Variants in PYGB observed in about 807,000 individuals in gnomAD.
The protein encoded by PYGB is glycogen phosphorylase, brain form.
Under a neutral mutation model 94.3 loss-of-function variants are expected in PYGB, and 82 were observed. The ratio of observed to expected loss-of-function variants is 0.87; its 90% confidence interval spans 0.73 to 1.04. PYGB has a LOEUF of 1.04. Ranked by LOEUF, PYGB falls within the 50% of genes least tolerant of loss-of-function variation. The pLI, the probability that PYGB is intolerant of heterozygous loss-of-function variation, is 0.00. For missense variants in PYGB, 1,132 were observed against 1,158.2 expected, an observed-to-expected ratio of 0.98 and a Z score of 0.33; for synonymous variants, 488 against 479.1, an observed-to-expected ratio of 1.02 and a Z score of -0.24.
chr20:25,261,535 C>T (rs1370760877), intron 2 of PYGB, among the ~76,000 whole-genome samples: 1 of 152,184 alleles, frequency 6.6e-6, no homozygotes, highest in African/African-American at 2.4e-5. Context: ...GGGGAGAAAC[C>T]AGAGCAGAAA....
At chr20:25,260,808 C>T (rs1185302762) in intron 2 of PYGB, among the ~76,000 whole-genome samples, 1 of 152,220 alleles carries the variant, frequency 6.6e-6, no homozygotes, top group East Asian at 1.9e-4. Context: ...ACGGTCTTAG[C>T]AAACGGCACA....
At chr20:25,282,382 G>T (rs945306816) in intron 12 of PYGB, among the ~76,000 whole-genome samples, 11 of 152,278 alleles carry the variant, frequency 7.2e-5, no homozygotes, top group Non-Finnish European at 1.6e-4. Context: ...TTTAGGGAGG[G>T]CTGGGGTGTG....
chr20:25,276,122 C>T (rs1265892464), intron 5 of PYGB, among the ~76,000 whole-genome samples: 6 of 151,904 alleles, frequency 3.9e-5, no homozygotes, highest in Non-Finnish European at 2.9e-5. Flanking sequence ...GTGGAGGGAG[C>T]GCAGCTGGGC....
chr20:25,274,784 C>A, intron 5 of PYGB, 61 bp downstream of exon 5: 1 of 1,566,504 alleles, frequency 6.4e-7, no homozygotes, highest in Non-Finnish European at 8.6e-7. Flanking sequence ...TGCTGCGGCT[C>A]ATTTGTAGAC....
chr20:25,296,573 TGCA>T lies in PYGB; in HGVS notation c.*52_*54del, dbSNP rs2088550212. ...CGGGCATTTGTTTTCTTGCTGACTT[TGCA>T]CCTCCTTTTTTCCCCAAACACTTTG... is the stretch of plus-strand genomic sequence containing the variant. On this transcript the variant is annotated 3_prime_UTR_variant, in exon 20 of 20. Transcript: ENST00000216962. 6.4e-7 allele frequency: 1 copy of T among 1,567,998 alleles called. No homozygotes were observed. The highest frequency in any genetic ancestry group is 2.3e-5 in the East Asian group (1 of 44,404).
intron 14 of PYGB, 39 bp downstream of exon 14, chr20:25,284,290 CCCAAGGCTTG>C (rs759810180): frequency 6.3e-7 from 1 of 1,594,936 alleles, no homozygotes; most frequent in Non-Finnish European, 8.5e-7. Flanking sequence ...CGCTGTGGGG[CCCAAGGCTTG>C]CCCTTGCCCG....
At chr20:25,248,647 C>G (rs2092878290) in intron 1 of PYGB, among the ~76,000 whole-genome samples, 1 of 151,588 alleles carries the variant, frequency 6.6e-6, no homozygotes, top group Non-Finnish European at 1.5e-5. Context: ...CACTGGGAGC[C>G]CGCGCCTGGC....
chr20:25,283,077 A>G, intron 12 of PYGB, 99 bp from the exon 13 acceptor site: 2 of 1,003,338 alleles, frequency 2.0e-6, no homozygotes, highest in South Asian at 2.9e-5. Context: ...CCCAGGGGAA[A>G]GCAGGGGCGT....
At chr20:25,263,818 C>A (rs138692428) in intron 2 of PYGB, among the ~76,000 whole-genome samples, 1 of 152,178 alleles carries the variant, frequency 6.6e-6, no homozygotes, top group Non-Finnish European at 1.5e-5. Flanking sequence ...AAGTCCAGGA[C>A]CAGAGGGATT....
At chr20:25,280,529 A>T in intron 10 of PYGB, 117 bp downstream of exon 10, 1 of 1,385,366 alleles carries the variant, frequency 7.2e-7, no homozygotes, top group Non-Finnish European at 9.9e-7. Flanking sequence ...TCTGTTCAGC[A>T]GAGGATGCTT....
intron 3 of PYGB, among the ~76,000 whole-genome samples, chr20:25,271,058 C>T (rs1476857963): frequency 2.0e-5 from 3 of 152,130 alleles, no homozygotes; most frequent in Admixed American, 6.5e-5. Flanking sequence ...AAGGGATTGG[C>T]GAGGCCTCAG....
chr20:25,286,444 C>T (rs1317570669), intron 14 of PYGB, among the ~76,000 whole-genome samples: 2 of 152,152 alleles, frequency 1.3e-5, no homozygotes, highest in Non-Finnish European at 2.9e-5. Context: ...GGCTCCATGT[C>T]TTTCCAAGTT....
intron 9 of PYGB, among the ~76,000 whole-genome samples, chr20:25,279,415 T>A (rs2088345769): frequency 6.6e-6 from 1 of 152,176 alleles, no homozygotes. Context: ...CATTCTCATC[T>A]TGAAATTTGG....
chr20:25,263,506 A>G (rs1379462814), intron 2 of PYGB, among the ~76,000 whole-genome samples: 1 of 152,198 alleles, frequency 6.6e-6, no homozygotes, highest in Non-Finnish European at 1.5e-5. Flanking sequence ...GTTTTTTGAA[A>G]AGATCAACAA....
At chr20:25,286,810 C>G (rs1219157377) in intron 14 of PYGB, among the ~76,000 whole-genome samples, 1 of 152,216 alleles carries the variant, frequency 6.6e-6, no homozygotes, top group Admixed American at 6.5e-5. Flanking sequence ...CCAGAGTGCC[C>G]CTCCCCAGAG....
chr20:25,288,553 C>A, intron 15 of PYGB, 70 bp downstream of exon 15: 2 of 1,525,304 alleles, frequency 1.3e-6, no homozygotes, highest in Non-Finnish European at 9.0e-7. Context: ...AGCCTGCACG[C>A]TTCTCATGGT....
chr20:25,264,942 G>C (rs1220356793), intron 2 of PYGB, among the ~76,000 whole-genome samples: 1 of 152,060 alleles, frequency 6.6e-6, no homozygotes, highest in Non-Finnish European at 1.5e-5. Context: ...AGTTCATATG[G>C]AACCAAAAAA....
At chr20:25,257,297 G>A (rs1207727462) in intron 1 of PYGB, among the ~76,000 whole-genome samples, 1 of 152,228 alleles carries the variant, frequency 6.6e-6, no homozygotes, top group Non-Finnish European at 1.5e-5. Context: ...CCTGGGCAGT[G>A]CCTTGGGGGC....
intron 2 of PYGB, among the ~76,000 whole-genome samples, chr20:25,266,777 TGAG>T (rs1202410343): frequency 1.3e-5 from 2 of 152,228 alleles, no homozygotes; most frequent in Non-Finnish European, 2.9e-5. Flanking sequence ...TGATTAGCTA[TGAG>T]GGAAATGCAA....
Sources: allele counts gnomAD v4.1 joint callset (sites outside exome capture counted in the v4.1 genomes callset), GRCh38; gene constraint gnomAD v4.1.1; transcripts MANE v1.5; gene names NCBI Gene and HGNC (gene_info 2026-07-23, HGNC 2026-07-21).